The following STRC variants were observed in gnomAD, a reference collection of about 807,000 sequenced individuals.
STRC encodes stereocilin.
In STRC, 43 loss-of-function variants were observed where a neutral mutation model predicts 103.5. The ratio of observed to expected loss-of-function variants is 0.42; its 90% CI spans 0.33 to 0.54. STRC has a LOEUF of 0.54. Ranked by LOEUF, STRC falls within the 20% of genes least tolerant of loss-of-function variation. The probability of loss-of-function intolerance (pLI) is 0.14; values close to 1 mark genes in which losing one functional copy is unlikely to be tolerated. For missense variants in STRC, 499 were observed against 1,088.5 expected, an observed-to-expected ratio of 0.46 and a Z score of 7.62; for synonymous variants, 186 against 442.3, an observed-to-expected ratio of 0.42 and a Z score of 7.27.
chr15:43,605,628 G>GAAAAAAAAAAAAAAA (rs1567118044), intron 18 of STRC, among the ~76,000 whole-genome samples: 1 of 136,104 alleles, frequency 7.3e-6, no homozygotes, highest in Non-Finnish European at 1.5e-5. Context: ...AAAAAATAAC[G>GAAAAAAAAAAAAAAA]AACAATCCTA....
In STRC at chr15:43,609,352, A is replaced by G; in HGVS notation, c.3499-18T>C. The G allele has an allele frequency of 2.5e-6, 4 of 1,603,718 alleles. No individual in the cohort carries two copies. Among genetic ancestry groups the G allele is most frequent in the Non-Finnish European group, 3.4e-6 (4 of 1,175,524 alleles). ...AACTGTGCCTACAAGAGAAAGAAAG[A>G]CGAGCCCCTTCCCAGAAGAGACACT... is the stretch of plus-strand genomic sequence containing the variant. On this transcript the variant is annotated intron_variant, in intron 15 of 28. Transcript: ENST00000450892.
chr15:43,601,670 T>A (rs1475763156), intron 23 of STRC, 119 bp from the exon 24 acceptor site: 2 of 1,067,386 alleles, frequency 1.9e-6, no homozygotes, highest in African/African-American at 3.1e-5. Context: ...ATTTGCCTTT[T>A]CTTTAGTTTC....
chr15:43,601,940 T>G (rs754697192), intron 23 of STRC, among the ~76,000 whole-genome samples: 2 of 151,180 alleles, frequency 1.3e-5, no homozygotes, highest in African/African-American at 2.4e-5. Flanking sequence ...GGCAACATAG[T>G]GAAACCCCAT....
chr15:43,603,571 G>T, intron 22 of STRC, 160 bp from the exon 23 acceptor site: 1 of 815,598 alleles, frequency 1.2e-6, no homozygotes, highest in Non-Finnish European at 2.0e-6. Flanking sequence ...GGGCTTAGGA[G>T]ATAATAGAAC....
chr15:43,609,189 T>C (rs1202012339), intron 16 of STRC, 87 bp downstream of exon 16: 8 of 1,360,710 alleles, frequency 5.9e-6, no homozygotes, highest in Non-Finnish European at 8.4e-6. Context: ...ATATCCCCCA[T>C]TCCATATCAC....
At position 43,603,367 on chromosome 15, in the gene STRC, C is replaced by A. The variant is rs1362062853; in HGVS notation, c.4420G>T (p.Ala1474Ser). 1.2e-6 allele frequency: 2 copies of A among 1,613,664 alleles called. No individual in the cohort carries two copies. The highest frequency in any genetic ancestry group is 1.7e-6 in the Non-Finnish European group (2 of 1,179,896). The change falls in exon 23 of 29, where the codon GCC becomes TCC. Residue 1474 changes from alanine (A) to serine (S), a missense_variant. By Grantham distance (99) the Ala-to-Ser change is moderately conservative (BLOSUM62 1). Coordinates refer to ENST00000450892, the MANE Select transcript of STRC (RefSeq NM_153700.2). Reference protein sequence around the residue: ...CADVRGTFPAAWSATQIAEME... With the variant: ...CADVRGTFPASWSATQIAEME... ...TCTGCAATCTGGGTTGCAGACCAGG[C>A]TGCTGGGAATGTCCCTCGTACATCT...
intron 23 of STRC, 138 bp from the exon 24 acceptor site, chr15:43,601,689 T>G: frequency 1.1e-6 from 1 of 874,052 alleles, no homozygotes; most frequent in South Asian, 1.5e-5. Context: ...TCCTCCACTA[T>G]AAAATGAGAC....
At chr15:43,602,846 C>T (rs1470334433) in intron 23 of STRC, among the ~76,000 whole-genome samples, 8 of 151,386 alleles carry the variant, frequency 5.3e-5, no homozygotes, top group Admixed American at 2.6e-4. Flanking sequence ...CGTGTTTCGC[C>T]GTGTTAGACA....
intron 18 of STRC, among the ~76,000 whole-genome samples, chr15:43,606,656 GGTGATAACCT>G (rs1434530191): frequency 1.8e-5 from 2 of 113,624 alleles, no homozygotes; most frequent in Non-Finnish European, 3.6e-5. Flanking sequence ...CGAAATCAGA[GGTGATAACCT>G]GTACCCTACC....
rs1332915472 is a variant in STRC at position 43,603,980 on chromosome 15, A to G, written c.4375+16T>C. The G allele has an allele frequency of 3.7e-6, 6 of 1,612,710 alleles. No individual in the cohort carries two copies. The South Asian group carries it at 6.6e-5, about 18-fold the overall frequency. ...TGTACATCCTGCTGGACATATAAGTATTTGGGTAGTTTCACCTGGAAGATC... is the reference window on the plus strand; with the variant it reads ...TGTACATCCTGCTGGACATATAAGTGTTTGGGTAGTTTCACCTGGAAGATC... On this transcript the variant is annotated intron_variant, in intron 22 of 28. Transcript: ENST00000450892.
At chr15:43,603,072 T>C (rs1418319877) in intron 23 of STRC, among the ~76,000 whole-genome samples, 170 bp downstream of exon 23, 1 of 152,024 alleles carries the variant, frequency 6.6e-6, no homozygotes, top group African/African-American at 2.4e-5. Context: ...ATACTAGCTC[T>C]CTTTCCTCAA....
rs1413136983 is a variant in STRC, at chr15:43,600,952, GA to G, written c.4763del (p.Phe1588SerfsTer4). On this transcript the variant is annotated frameshift_variant, in exon 25 of 29. Transcript: ENST00000450892. LOFTEE classifies it high-confidence loss of function. The stretch of plus-strand genomic sequence containing the variant: ...TATAACCCAGCGCTGTCAGATGAAC[GA>G]AGTCCAGGTGGCTCACATGCCGACC... ...QSGRHVSHLD[F>X]VHLTALGYTL... The G allele has an allele frequency of 2.5e-6, 4 of 1,579,054 alleles. No homozygotes were observed.
At chr15:43,604,513 G>C in intron 20 of STRC, 62 bp from the exon 21 acceptor site, 3 of 1,590,898 alleles carry the variant, frequency 1.9e-6, no homozygotes, top group Non-Finnish European at 2.6e-6. Flanking sequence ...AAAGGAAGGG[G>C]AAAAGAGGAC....
intron 25 of STRC, 29 bp downstream of exon 25, chr15:43,600,843 C>A (rs2085660502): frequency 2.5e-6 from 4 of 1,613,586 alleles, no homozygotes; most frequent in Non-Finnish European, 2.5e-6. Flanking sequence ...TACCTCAGCA[C>A]CACCACCCTC....
intron 18 of STRC, among the ~76,000 whole-genome samples, 180 bp from the exon 19 acceptor site, chr15:43,605,579 A>G (rs1376520290): frequency 6.7e-6 from 1 of 148,676 alleles, no homozygotes; most frequent in Non-Finnish European, 1.5e-5. Flanking sequence ...TGAGTGGGGG[A>G]GAAAAAGGGA....
chr15:43,604,670 T>C lies in STRC; in HGVS notation c.4107A>G (p.Leu1369=), dbSNP rs147726880. ...ETFATELGWL[L]LQESVLGKPE... is the part of the protein sequence containing the mutation. Reference sequence around the variant, plus strand: ...CATACCCAAGAACAGACTCCTGCAATAGCAGCCATCCCAGCTCTGTGGCAA... The same window carrying C: ...CATACCCAAGAACAGACTCCTGCAACAGCAGCCATCCCAGCTCTGTGGCAA... Residue 1369 remains leucine, a synonymous_variant, in exon 20 of 29, where the codon CTA becomes CTG. Transcript: ENST00000450892. 30 of 1,613,474 alleles carry C rather than the reference T, an allele frequency of 1.9e-5. No individual in the cohort carries two copies. In the African/African-American group the frequency reaches 2.4e-4, roughly 13 times the overall value.
Position 43,604,763 on chromosome 15 carries a change from T to C in STRC, c.4014A>G (p.Arg1338=), listed in dbSNP as rs1220651296. Residue 1338 remains arginine, a synonymous_variant, in exon 20 of 29, where the codon CGA becomes CGG. Transcript: ENST00000450892. ...LVGFLGTEST[R]QIPLQILLSH... is the part of the protein sequence containing the mutation. ...ACAGCAGGATCTGTAGGGGGATCTG[T>C]CGTGTGCTCTCTGTCCCCAGGAATC... 6.2e-7 allele frequency: 1 copy of C among 1,613,504 alleles called. No individual in the cohort carries two copies. Among genetic ancestry groups the C allele is most frequent in the Non-Finnish European group, 8.5e-7 (1 of 1,179,680 alleles).
intron 18 of STRC, among the ~76,000 whole-genome samples, chr15:43,606,811 C>T (rs2085713271): frequency 9.1e-6 from 1 of 110,034 alleles, no homozygotes; most frequent in Non-Finnish European, 1.9e-5. Flanking sequence ...ACCAGCCTGG[C>T]CAACATGGTG....
At chr15:43,604,601 G>A (rs1021157786) in intron 20 of STRC, 49 bp downstream of exon 20, 4 of 1,612,862 alleles carry the variant, frequency 2.5e-6, no homozygotes, top group African/African-American at 2.7e-5. Context: ...GGTGGCTGAG[G>A]GACTGGGTAT....
Sources: gnomAD v4.1 joint callset for allele counts (sites outside exome capture counted in the v4.1 genomes callset) on GRCh38, gnomAD v4.1.1 for gene constraint, MANE v1.5 for transcripts, NCBI Gene and HGNC (gene_info 2026-07-23, HGNC 2026-07-21) for gene names.